Variants in GRM1 observed in about 807,000 individuals in gnomAD.
GRM1 encodes metabotropic glutamate receptor 1.
GRM1 carries 33 observed loss-of-function variants against 90.9 expected under a neutral mutation model. The observed-to-expected ratio is 0.36, with a 90% CI of 0.28 to 0.49. The LOEUF (loss-of-function observed/expected upper bound fraction) is 0.49. Ranked by LOEUF, GRM1 falls within the 20% of genes least tolerant of loss-of-function variation. The pLI is 0.99. For missense variants in GRM1, 1,190 were observed against 1,534.3 expected (o/e 0.78, Z 3.75); for synonymous variants, 700 against 613.2 (o/e 1.14, Z -2.09).
rs374156244 is a variant in GRM1, at chr6:146,399,751, T to C, written c.2660+52T>C. The C allele has an allele frequency of 1.6e-3, 1,746 of 1,063,334 alleles. 17 individuals carry two copies. In the African/African-American group the frequency reaches 0.025, roughly 15 times the overall value. The allele number at this position is 1,063,334 out of a possible 1,614,324, so 65.9% of individuals were successfully genotyped here. A position where few individuals can be genotyped will look rare whatever the true frequency, so the allele number is the denominator to read the frequency against. On this transcript the variant is annotated intron_variant, in intron 7 of 7. Transcript: ENST00000282753. This position sits in a 1 kb window ranked among gnomAD's most constrained non-coding sequence, Gnocchi z 5.4. The stretch of plus-strand genomic sequence containing the variant: ...CTTTTCTCTTCCTTTCTCTGTCTCT[T>C]TCTCTCTCTCTCTCTCTCTCTCTTT...
chr6:146,174,765 T>G (rs1441609661), intron 2 of GRM1, among the ~76,000 whole-genome samples: 2 of 152,236 alleles, frequency 1.3e-5, no homozygotes, highest in East Asian at 3.8e-4. Context: ...GCTGACTTTC[T>G]GTGGAGAAAG....
chr6:146,359,769 G>T (rs1018058917), intron 5 of GRM1, among the ~76,000 whole-genome samples: 1 of 152,154 alleles, frequency 6.6e-6, no homozygotes, highest in African/African-American at 2.4e-5. Context: ...CATCATGTTT[G>T]TGCTATGCCC....
intron 3 of GRM1, among the ~76,000 whole-genome samples, chr6:146,305,847 G>A (rs1006880980): frequency 6.6e-6 from 1 of 152,186 alleles, no homozygotes; most frequent in Non-Finnish European, 1.5e-5. Flanking sequence ...CATGACTCTT[G>A]ACCTAGAGAG....
chr6:146,191,414 C>T (rs535710477), intron 2 of GRM1, among the ~76,000 whole-genome samples: 2 of 152,280 alleles, frequency 1.3e-5, no homozygotes, highest in African/African-American at 2.4e-5. Flanking sequence ...GTTTCCTCTT[C>T]GGTGATTCCT....
rs79424597 is a variant in GRM1 at position 146,158,901 on chromosome 6, C to T, written c.701-447C>T. 6.0e-3 allele frequency among the ~76,000 whole-genome samples: 911 copies of T among 152,256 alleles called. 8 individuals carry two copies. Among genetic ancestry groups the T allele is most frequent in the African/African-American group, 0.021 (872 of 41,544 alleles). On this transcript the variant is annotated intron_variant, in intron 1 of 7. Transcript: ENST00000282753. Reference sequence around the variant, plus strand: ...TTTGCTTGCTCATTCTTCGTGGAAACGTTGCAGGACTTTATGTTACCAAGA... The same window carrying T: ...TTTGCTTGCTCATTCTTCGTGGAAATGTTGCAGGACTTTATGTTACCAAGA...
chr6:146,100,489 C>G (rs1013489367), intron 1 of GRM1, among the ~76,000 whole-genome samples: 35 of 152,062 alleles, frequency 2.3e-4, no homozygotes, highest in African/African-American at 8.2e-4. Flanking sequence ...TATTACAGTT[C>G]CAAAGATTAA....
At chr6:146,096,659 T>C (rs1315154947) in intron 1 of GRM1, among the ~76,000 whole-genome samples, 1 of 152,156 alleles carries the variant, frequency 6.6e-6, no homozygotes, top group African/African-American at 2.4e-5. Context: ...GGCAGACAAC[T>C]GTTTTGTCTT....
chr6:146,369,998 G>A (rs1344932931), intron 5 of GRM1, among the ~76,000 whole-genome samples: 6 of 151,930 alleles, frequency 3.9e-5, no homozygotes, highest in Non-Finnish European at 4.4e-5. Flanking sequence ...GTATATTTGG[G>A]TGCTCTGATG....
rs768139664 is a variant in GRM1 at position 146,188,236 on chromosome 6, C to T, written c.950+28639C>T. ...CTTTTCTTTCAAATCCATCCTTTATCCTACCGTTAAATCATTCTGTCTACA... is the reference window on the plus strand; with the variant it reads ...CTTTTCTTTCAAATCCATCCTTTATTCTACCGTTAAATCATTCTGTCTACA... On this transcript the variant is annotated intron_variant, in intron 2 of 7. Coordinates refer to ENST00000282753, the MANE Select transcript of GRM1 (RefSeq NM_001278064.2). Among the ~76,000 whole-genome samples the T allele has an allele frequency of 2.0e-5, 3 of 152,148 alleles. No homozygotes were observed. The Middle Eastern group carries it at 0.01, about 518-fold the overall frequency.
intron 2 of GRM1, among the ~76,000 whole-genome samples, chr6:146,257,681 A>G (rs1045329546): frequency 5.9e-5 from 9 of 152,148 alleles, no homozygotes; most frequent in African/African-American, 2.2e-4. Context: ...TGAGAACCAG[A>G]TGAGGGCAGG....
chr6:146,302,215 G>T (rs1783413135), intron 2 of GRM1, among the ~76,000 whole-genome samples: 1 of 151,050 alleles, frequency 6.6e-6, no homozygotes, highest in South Asian at 2.1e-4. Flanking sequence ...TTGGGTCTCA[G>T]CTCAGCCATC....
At chr6:146,273,431 C>T (rs1782241876) in intron 2 of GRM1, among the ~76,000 whole-genome samples, 1 of 152,118 alleles carries the variant, frequency 6.6e-6, no homozygotes, top group Non-Finnish European at 1.5e-5. Context: ...AAACACAAAG[C>T]CAAAGCACTG....
intron 2 of GRM1, among the ~76,000 whole-genome samples, chr6:146,197,817 G>A (rs1779172663): frequency 6.6e-6 from 1 of 152,146 alleles, no homozygotes; most frequent in Admixed American, 6.5e-5. Context: ...TAATAGTCAA[G>A]CTCATAGAAG....
chr6:146,142,425 G>C (rs1440254940), intron 1 of GRM1, among the ~76,000 whole-genome samples: 2 of 152,034 alleles, frequency 1.3e-5, no homozygotes, highest in African/African-American at 2.4e-5. Context: ...GCCTATGTTT[G>C]CTGGGCTCAC....
intron 1 of GRM1, among the ~76,000 whole-genome samples, chr6:146,062,971 T>G: frequency 6.6e-6 from 1 of 152,220 alleles, no homozygotes; most frequent in East Asian, 1.9e-4. Context: ...AAATGTTCTT[T>G]TATGGATCCT....
chr6:146,044,953 T>C (rs1423698556), intron 1 of GRM1, among the ~76,000 whole-genome samples: 1 of 151,878 alleles, frequency 6.6e-6, no homozygotes, highest in African/African-American at 2.4e-5. Context: ...GATTCTGACT[T>C]AGTAGATCTG....
intron 1 of GRM1, among the ~76,000 whole-genome samples, chr6:146,038,019 G>T (rs1033810796): frequency 6.6e-6 from 1 of 151,860 alleles, no homozygotes; most frequent in Non-Finnish European, 1.5e-5. Context: ...AAGTCCTTTC[G>T]CAGAGAAAAT....
At chr6:146,101,230 A>T (rs1166521132) in intron 1 of GRM1, among the ~76,000 whole-genome samples, 1 of 152,168 alleles carries the variant, frequency 6.6e-6, no homozygotes, top group Non-Finnish European at 1.5e-5. Flanking sequence ...AGCCTTATAT[A>T]TCCTTGTTGG....
At chr6:146,273,339 A>G (rs1409468823) in intron 2 of GRM1, among the ~76,000 whole-genome samples, 6 of 152,178 alleles carry the variant, frequency 3.9e-5, no homozygotes, top group Non-Finnish European at 7.3e-5. Flanking sequence ...GCTCTGGGAA[A>G]GACATGCCCC....
Sources: allele counts gnomAD v4.1 joint callset (sites outside exome capture counted in the v4.1 genomes callset), GRCh38; gene constraint gnomAD v4.1.1; non-coding constraint Gnocchi (gnomAD v3.1); transcripts MANE v1.5; gene names NCBI Gene and HGNC (gene_info 2026-07-23, HGNC 2026-07-21).